Variants in PRPF18 observed in about 807,000 individuals in gnomAD.
PRPF18 encodes pre-mRNA-splicing factor 18.
In PRPF18, 38 loss-of-function variants were observed where a neutral mutation model predicts 46.5. The ratio of observed to expected loss-of-function variants is 0.82; its 90% CI spans 0.63 to 1.07. PRPF18 has a LOEUF of 1.07. Among genes scored for constraint, PRPF18 ranks in the 50% least tolerant of loss-of-function variants. PRPF18 has a pLI of 0.00. For missense variants in PRPF18, 263 were observed against 410.0 expected (o/e 0.64, Z 3.10); for synonymous variants, 152 against 146.7 (o/e 1.04, Z -0.26).
the PRPF18 span, chr10:13,646,471 A>AAAGAGG: frequency 1.3e-5 from 2 of 152,328 alleles, no homozygotes; most frequent in African/African-American, 4.8e-5. Context: ...GTGTAAACTG[A>AAAGAGG]ATATGCCACG....
rs756374236 is a variant in PRPF18 at position 13,611,718 on chromosome 10, G to C, written c.579+35G>C. The C allele has an allele frequency of 1.3e-5, 21 of 1,571,062 alleles. No homozygotes were observed. In the South Asian group the frequency reaches 2.0e-4, roughly 15 times the overall value. On this transcript the variant is annotated intron_variant, in intron 6 of 9. Transcript: ENST00000378572. ...TTAGGCGAGGGGATGAGGATGCCTT[G>C]GATCCTTATGAACTATTCTTATATT...
chr10:13,603,067 G>T (rs535130348), intron 3 of PRPF18, among the ~76,000 whole-genome samples: 15 of 152,222 alleles, frequency 9.9e-5, no homozygotes, highest in Non-Finnish European at 1.8e-4. Flanking sequence ...TGAAAAGCTT[G>T]AGTTAAAAGA....
At chr10:13,614,710 C>T (rs1370028306) in intron 8 of PRPF18, among the ~76,000 whole-genome samples, 1 of 152,080 alleles carries the variant, frequency 6.6e-6, no homozygotes, top group African/African-American at 2.4e-5. Flanking sequence ...TGCTGGTGTC[C>T]AGGGCTCCCT....
intron 3 of PRPF18, among the ~76,000 whole-genome samples, chr10:13,601,846 TG>T (rs2080115266): frequency 6.6e-6 from 1 of 152,212 alleles, no homozygotes; most frequent in Non-Finnish European, 1.5e-5. Flanking sequence ...ATTTAGGTAT[TG>T]TTTTTAGTAG....
chr10:13,602,978 C>T (rs1442979790), intron 3 of PRPF18, among the ~76,000 whole-genome samples: 1 of 152,212 alleles, frequency 6.6e-6, no homozygotes, highest in Admixed American at 6.5e-5. Context: ...GTGATCTGCT[C>T]GCCTCGACCT....
chr10:13,606,750 A>C (rs2080191282), intron 4 of PRPF18, among the ~76,000 whole-genome samples: 1 of 151,538 alleles, frequency 6.6e-6, no homozygotes, highest in African/African-American at 2.4e-5. Flanking sequence ...AAAAAAAAAA[A>C]AAAAAAAACA....
chr10:13,645,388 A>G, the PRPF18 span: 1 of 110,482 alleles, frequency 9.1e-6, no homozygotes, highest in South Asian at 3.3e-4. Context: ...CACTTGCGCC[A>G]AAAGCACAGC....
At chr10:13,638,342 A>G in the PRPF18 span, among the ~76,000 whole-genome samples, 1 of 134,654 alleles carries the variant, frequency 7.4e-6, no homozygotes, top group Non-Finnish European at 1.6e-5. Context: ...ATCATTTTGT[A>G]TAAAACATGA....
chr10:13,630,249 T>A lies in PRPF18; in HGVS notation c.949-11T>A. On this transcript the variant is annotated splice_polypyrimidine_tract_variant and intron_variant, in intron 9 of 9. Coordinates refer to ENST00000378572, the MANE Select transcript of PRPF18 (RefSeq NM_003675.4). Reference sequence around the variant, plus strand: ...TGTCATAACCAACCTTTGTTTTCCTTATTTTCTTAGGGATTGAAGAGGTTA... The same window carrying A: ...TGTCATAACCAACCTTTGTTTTCCTAATTTTCTTAGGGATTGAAGAGGTTA... 1 of 1,598,610 alleles carries A rather than the reference T, an allele frequency of 6.3e-7. No homozygotes were observed. Among genetic ancestry groups the A allele is most frequent in the Non-Finnish European group, 8.6e-7 (1 of 1,166,018 alleles).
At chr10:13,598,775 C>T (rs1433652152) in intron 2 of PRPF18, among the ~76,000 whole-genome samples, 1 of 152,162 alleles carries the variant, frequency 6.6e-6, no homozygotes, top group Non-Finnish European at 1.5e-5. Flanking sequence ...GTCTAACACA[C>T]ACTTGGTCTG....
At chr10:13,609,013 G>T (rs1030406761) in intron 4 of PRPF18, among the ~76,000 whole-genome samples, 1 of 152,218 alleles carries the variant, frequency 6.6e-6, no homozygotes, top group African/African-American at 2.4e-5. Context: ...CACAGCAGGT[G>T]ATCAGTCAGT....
chr10:13,637,361 T>C, the PRPF18 span, among the ~76,000 whole-genome samples: 1 of 152,228 alleles, frequency 6.6e-6, no homozygotes. Context: ...ATTTTCATTT[T>C]AGCCCTTCTG....
At position 13,605,959 on chromosome 10, in the gene PRPF18, C is replaced by T. The variant is rs567089114; in HGVS notation, c.363+215C>T. On this transcript the variant is annotated intron_variant, in intron 4 of 9. Coordinates refer to ENST00000378572, the MANE Select transcript of PRPF18 (RefSeq NM_003675.4). ...ATACATACAAGCATATAACCATTGC[C>T]CTTATAAAGAAATAGAACATTTTCG... Among the ~76,000 whole-genome samples, 6 of 152,098 alleles carry T rather than the reference C, an allele frequency of 3.9e-5. No individual in the cohort carries two copies. The Middle Eastern group carries it at 0.01, about 259-fold the overall frequency.
At chr10:13,612,433 T>C (rs2080282220) in intron 6 of PRPF18, among the ~76,000 whole-genome samples, 3 of 151,850 alleles carry the variant, frequency 2.0e-5, no homozygotes, top group South Asian at 4.2e-4. Flanking sequence ...AGTTTTTGTA[T>C]TTTTTATTTA....
chr10:13,625,655 T>C (rs1269634259), intron 9 of PRPF18, among the ~76,000 whole-genome samples: 1 of 151,266 alleles, frequency 6.6e-6, no homozygotes, highest in Non-Finnish European at 1.5e-5. Context: ...ATAGGAAGAG[T>C]TCACATCAAG....
At chr10:13,603,826 G>T (rs978530890) in intron 3 of PRPF18, among the ~76,000 whole-genome samples, 6 of 152,160 alleles carry the variant, frequency 3.9e-5, no homozygotes, top group Non-Finnish European at 7.3e-5. Flanking sequence ...AATTTTCAGG[G>T]GAATGGTGAC....
chr10:13,651,695 T>C, the PRPF18 span: 4 of 568,134 alleles, frequency 7.0e-6, no homozygotes, highest in African/African-American at 1.9e-5. Flanking sequence ...ACTCTGGGGG[T>C]CTTTTCTGGG....
chr10:13,603,282 A>AT (rs901511153), intron 3 of PRPF18, among the ~76,000 whole-genome samples: 1 of 146,538 alleles, frequency 6.8e-6, no homozygotes, highest in Non-Finnish European at 1.5e-5. Context: ...TCTCTGTGTC[A>AT]TTTTTTGGGG....
chr10:13,632,761 A>G (rs1405475464), downstream of PRPF18: 2 of 152,220 alleles, frequency 1.3e-5, no homozygotes, highest in African/African-American at 4.8e-5. Context: ...GACTGCAAAT[A>G]ACATGAGGAT....
Sources: gnomAD v4.1 joint callset for allele counts (sites outside exome capture counted in the v4.1 genomes callset) on GRCh38, gnomAD v4.1.1 for gene constraint, MANE v1.5 for transcripts, NCBI Gene and HGNC (gene_info 2026-07-23, HGNC 2026-07-21) for gene names.